NUP98: variants seen among roughly 807,000 people sequenced by gnomAD.
NUP98 encodes the protein nucleoporin 98 and 96 precursor.
In NUP98, 26 loss-of-function variants were observed where a neutral mutation model predicts 191.9. That is an observed-to-expected ratio of 0.14 (90% confidence interval 0.10 to 0.19). The LOEUF (loss-of-function observed/expected upper bound fraction) is 0.19. Among genes scored for constraint, NUP98 ranks in the 10% least tolerant of loss-of-function variants. The probability of loss-of-function intolerance (pLI) is 1.00; values close to 1 mark genes in which losing one functional copy is unlikely to be tolerated. For synonymous variants in NUP98, 808 were observed against 778.4 expected, an observed-to-expected ratio of 1.04 and a Z score of -0.63; for missense variants, 1,941 against 2,178.8, an observed-to-expected ratio of 0.89 and a Z score of 2.17.
At chr11:3,733,880 A>C (rs923248804) in intron 13 of NUP98, among the ~76,000 whole-genome samples, 2 of 152,212 alleles carry the variant, frequency 1.3e-5, no homozygotes, top group Non-Finnish European at 2.9e-5. Flanking sequence ...GCACTTAACA[A>C]CACAATGCCT....
chr11:3,717,347 T>C (rs2079221202), intron 18 of NUP98, among the ~76,000 whole-genome samples: 1 of 152,218 alleles, frequency 6.6e-6, no homozygotes, highest in African/African-American at 2.4e-5. Flanking sequence ...CTTCCATTTA[T>C]CTGTGTCTGG....
chr11:3,702,348 CTCTCTCTCTCTCTCTCTCTCTA>C (rs1418371741), intron 23 of NUP98, 93 bp downstream of exon 23: 3 of 642,224 alleles, frequency 4.7e-6, no homozygotes, highest in Admixed American at 2.5e-5. Flanking sequence ...CTCTCTCTCT[CTCTCTCTCTCTCTCTCTCTCTA>C]GAAAGATGAC....
intron 11 of NUP98, among the ~76,000 whole-genome samples, chr11:3,746,605 CAGA>C (rs1202993481): frequency 6.6e-6 from 1 of 151,712 alleles, no homozygotes; most frequent in East Asian, 1.9e-4. Flanking sequence ...CAGTAATCCA[CAGA>C]AGAATTAAAA....
chr11:3,788,816 G>A (rs768974807), intron 1 of NUP98, among the ~76,000 whole-genome samples: 2 of 149,640 alleles, frequency 1.3e-5, no homozygotes, highest in African/African-American at 2.5e-5. Flanking sequence ...TTGTCGTGAC[G>A]CATGCCTGTC....
chr11:3,679,667 A>C lies in NUP98; in HGVS notation c.4960T>G (p.Leu1654Val), dbSNP rs1365461744. ...NENYDYLKGF[L>V]EDLAPPERSS... Reference sequence around the variant, plus strand: ...CGCTCTGGAGGTGCCAGGTCTTCCAAGAACCCCTTCAGGTAGTCATAGTTC... The same window carrying C: ...CGCTCTGGAGGTGCCAGGTCTTCCACGAACCCCTTCAGGTAGTCATAGTTC... Residue 1654 changes from leucine to valine, a missense_variant, in exon 31 of 33, where the codon TTG becomes GTG. By Grantham distance (32) the Leu-to-Val change is conservative. Around this residue, in one of 6 missense-constraint regions of NUP98, gnomAD observed 1,030 missense variants for 1,115.8 expected, o/e 0.92. Transcript: ENST00000324932. The C allele has an allele frequency of 6.2e-7, 1 of 1,614,052 alleles. No individual in the cohort carries two copies. Among genetic ancestry groups the C allele is most frequent in the African/African-American group, 1.3e-5 (1 of 74,946 alleles).
At chr11:3,680,177 G>C (rs2077941239) in intron 30 of NUP98, among the ~76,000 whole-genome samples, 1 of 151,418 alleles carries the variant, frequency 6.6e-6, no homozygotes, top group Non-Finnish European at 1.5e-5. Context: ...CTTAAAATAA[G>C]ATAACTGAAG....
intron 1 of NUP98, among the ~76,000 whole-genome samples, chr11:3,790,567 C>G (rs915171149): frequency 5.9e-5 from 9 of 152,136 alleles, no homozygotes; most frequent in Non-Finnish European, 1.5e-5. Flanking sequence ...TGCTGATGTG[C>G]AAAATCAATG....
chr11:3,750,855 T>C (rs2080723446), intron 11 of NUP98, among the ~76,000 whole-genome samples: 1 of 152,122 alleles, frequency 6.6e-6, no homozygotes, highest in Non-Finnish European at 1.5e-5. Context: ...AAGATGATGT[T>C]AAACTCCTGA....
At chr11:3,779,759 G>A (rs187925258) in intron 2 of NUP98, among the ~76,000 whole-genome samples, 8 of 152,238 alleles carry the variant, frequency 5.3e-5, no homozygotes, top group Admixed American at 2.0e-4. Flanking sequence ...TTTATTCATC[G>A]CCCCAGGGGA....
At chr11:3,784,707 T>C (rs1048571730) in intron 1 of NUP98, among the ~76,000 whole-genome samples, 81 of 151,858 alleles carry the variant, frequency 5.3e-4, no homozygotes, top group Non-Finnish European at 6.6e-4. Context: ...CAAGGTACAA[T>C]GGTGCCACTG....
rs1377055393 is a variant in NUP98, at chr11:3,757,087, C to G, written c.1174+3452G>C. Among the ~76,000 whole-genome samples, 3 of 137,456 alleles carry G rather than the reference C, an allele frequency of 2.2e-5. No homozygotes were observed. In the East Asian group the frequency reaches 6.2e-4, roughly 28 times the overall value. The allele number at this position is 137,456 out of a possible 152,430, so 90.2% of individuals were successfully genotyped here. ...CGGGCGACAGAGCGAGACTCCATCT[C>G]AAAAAAAAAATATATATATATATCT... is the stretch of plus-strand genomic sequence containing the variant. On this transcript the variant is annotated intron_variant, in intron 10 of 32. Transcript: ENST00000324932.
intron 14 of NUP98, among the ~76,000 whole-genome samples, chr11:3,728,115 T>C (rs1359503180): frequency 6.6e-6 from 1 of 152,098 alleles, no homozygotes; most frequent in Non-Finnish European, 1.5e-5. Flanking sequence ...TATATGGATA[T>C]ATGAGGAGAA....
In NUP98 at chr11:3,683,405, C is replaced by A. The variant is rs2078034753; in HGVS notation, c.4713G>T (p.Arg1571=). The change falls in exon 30 of 33, where the codon CGG becomes CGT. Residue 1571 remains arginine (R), a synonymous_variant. Coordinates refer to ENST00000324932, the MANE Select transcript of NUP98 (RefSeq NM_016320.5). ...REKAVRELLT[R]HCQLLETPES... is the part of the protein sequence containing the mutation. ...CAGGGGTCTCCAACAGCTGGCAGTG[C>A]CGGGTAAGCAGCTCTCGAACAGCCT... The A allele has an allele frequency of 6.8e-6, 11 of 1,614,138 alleles. No homozygotes were observed. The highest frequency in any genetic ancestry group is 9.3e-6 in the Non-Finnish European group (11 of 1,180,038).
intron 20 of NUP98, among the ~76,000 whole-genome samples, chr11:3,707,404 C>CTT (rs1053421720): frequency 5.3e-5 from 8 of 152,066 alleles, no homozygotes; most frequent in African/African-American, 1.7e-4. Context: ...TACCTATATC[C>CTT]TAAAATGTTA....
At chr11:3,796,354 C>T in intron 1 of NUP98, among the ~76,000 whole-genome samples, 1 of 152,186 alleles carries the variant, frequency 6.6e-6, no homozygotes, top group East Asian at 1.9e-4. Context: ...AAATCCCTAA[C>T]TGACTCCGAG....
chr11:3,715,665 T>A (rs1206891596), intron 18 of NUP98, among the ~76,000 whole-genome samples: 1 of 152,176 alleles, frequency 6.6e-6, no homozygotes, highest in Admixed American at 6.5e-5. Flanking sequence ...CACAGCTCAC[T>A]GTAACCTCTG....
intron 8 of NUP98, among the ~76,000 whole-genome samples, chr11:3,765,464 C>A (rs570189009): frequency 6.6e-6 from 1 of 152,132 alleles, no homozygotes; most frequent in South Asian, 2.1e-4. Context: ...AACTAGGTTT[C>A]TTCTAACAGT....
chr11:3,691,446 G>A lies in NUP98; in HGVS notation c.4355C>T (p.Ser1452Leu), dbSNP rs565824301. The change falls in exon 28 of 33, where the codon TCG becomes TTG. Residue 1452 changes from serine (S) to leucine (L), a missense_variant. Around this residue, in one of 6 missense-constraint regions of NUP98, gnomAD observed 1,030 missense variants for 1,115.8 expected, o/e 0.92. Coordinates refer to ENST00000324932, the MANE Select transcript of NUP98 (RefSeq NM_016320.5). ...CACACAGCCAGAACCCTCCAGATAC[G>A]AAGGAAGTGGGGAGCAGGCATATCT... is the stretch of plus-strand genomic sequence containing the variant. ...SDRYACSPLP[S>L]YLEGSGCVIA... The A allele has an allele frequency of 1.5e-5, 24 of 1,614,112 alleles. No individual in the cohort carries two copies. Among genetic ancestry groups the A allele is most frequent in the East Asian group, 1.3e-4 (6 of 44,886 alleles).
chr11:3,757,075 G>A (rs962463076), intron 10 of NUP98, among the ~76,000 whole-genome samples: 3 of 150,130 alleles, frequency 2.0e-5, no homozygotes, highest in Non-Finnish European at 4.4e-5. Flanking sequence ...GCGACAGAGC[G>A]AGACTCCATC....
Sources: allele counts gnomAD v4.1 joint callset (sites outside exome capture counted in the v4.1 genomes callset), GRCh38; gene constraint gnomAD v4.1.1; regional missense constraint gnomAD v4.1.1; transcripts MANE v1.5; gene names NCBI Gene and HGNC (gene_info 2026-07-23, HGNC 2026-07-21).